KCNQ3: variants seen among roughly 807,000 people sequenced by gnomAD.
The protein encoded by KCNQ3 is potassium voltage-gated channel subfamily KQT member 3.
KCNQ3 carries 30 observed loss-of-function variants against 92.5 expected under a neutral mutation model. That is an observed-to-expected ratio of 0.32 (90% CI 0.24 to 0.44). The LOEUF (loss-of-function observed/expected upper bound fraction) is 0.44, where lower values mean the gene tolerates loss of function less well. KCNQ3 is among the 20% of genes least tolerant of loss of function. KCNQ3 has a pLI of 1.00. For missense variants in KCNQ3, 913 were observed against 1,140.3 expected (o/e 0.80, Z 2.87); for synonymous variants, 450 against 468.8 (o/e 0.96, Z 0.52).
intron 1 of KCNQ3, among the ~76,000 whole-genome samples, chr8:132,289,317 G>C (rs1344725308): frequency 6.6e-6 from 1 of 152,124 alleles, no homozygotes; most frequent in Non-Finnish European, 1.5e-5. Context: ...TCAGTATAAA[G>C]TTTCCTATGG....
chr8:132,260,024 C>G (rs907147659), intron 1 of KCNQ3, among the ~76,000 whole-genome samples: 6 of 152,096 alleles, frequency 3.9e-5, no homozygotes, highest in African/African-American at 1.4e-4. Context: ...ATTAAGACAT[C>G]CTGTGTTCAT....
chr8:132,440,288 C>A (rs577465176), intron 1 of KCNQ3, among the ~76,000 whole-genome samples: 1 of 152,344 alleles, frequency 6.6e-6, no homozygotes, highest in Non-Finnish European at 1.5e-5. Flanking sequence ...AAGCTGCCAG[C>A]AGCACAGATG....
chr8:132,202,958 C>T (rs13277622), intron 1 of KCNQ3, among the ~76,000 whole-genome samples: 47,678 of 143,794 alleles, frequency 0.33, 9,157 homozygotes, highest in Middle Eastern at 0.46. Context: ...TAGAATACCA[C>T]GGACTGGGCA....
chr8:132,204,236 G>C (rs1813580269), intron 1 of KCNQ3, among the ~76,000 whole-genome samples: 1 of 152,210 alleles, frequency 6.6e-6, no homozygotes, highest in Non-Finnish European at 1.5e-5. Context: ...AGCTGCGCCG[G>C]AGGCAGATCC....
At chr8:132,137,844 C>A in intron 12 of KCNQ3, 41 bp downstream of exon 12, 1 of 1,611,388 alleles carries the variant, frequency 6.2e-7, no homozygotes. Context: ...GTTCATAGGG[C>A]TTTGAGGGGA....
chr8:132,379,057 T>A (rs776140854), intron 1 of KCNQ3, among the ~76,000 whole-genome samples: 1 of 152,212 alleles, frequency 6.6e-6, no homozygotes, highest in Non-Finnish European at 1.5e-5. Context: ...TAAACACCCC[T>A]CATACAGAAG....
At chr8:132,330,852 T>G (rs907271812) in intron 1 of KCNQ3, among the ~76,000 whole-genome samples, 7 of 152,180 alleles carry the variant, frequency 4.6e-5, no homozygotes, top group African/African-American at 1.7e-4. Context: ...CTGTCAGTTG[T>G]TGTGTCCCAG....
chr8:132,430,506 C>T (rs976418746), intron 1 of KCNQ3, among the ~76,000 whole-genome samples: 5 of 152,194 alleles, frequency 3.3e-5, no homozygotes, highest in Admixed American at 2.0e-4. Flanking sequence ...CACTGGGCTC[C>T]ATTTTCTCCT....
At chr8:132,323,583 C>G (rs747915010) in intron 1 of KCNQ3, among the ~76,000 whole-genome samples, 1 of 152,116 alleles carries the variant, frequency 6.6e-6, no homozygotes, top group Non-Finnish European at 1.5e-5. Flanking sequence ...AGAAAATGGC[C>G]GTAGGTGCTA....
chr8:132,418,847 T>A (rs550913968), intron 1 of KCNQ3, among the ~76,000 whole-genome samples: 1 of 152,196 alleles, frequency 6.6e-6, no homozygotes, highest in East Asian at 1.9e-4. Flanking sequence ...GTAAGTGGTG[T>A]TGGGGTGTGG....
chr8:132,286,037 G>A (rs73358984), intron 1 of KCNQ3, among the ~76,000 whole-genome samples: 3,917 of 152,256 alleles, frequency 0.026, 186 homozygotes, highest in African/African-American at 0.089. Context: ...TGGAAGCATG[G>A]CTTTCTCTAC....
chr8:132,311,539 C>G (rs1395616934), intron 1 of KCNQ3, among the ~76,000 whole-genome samples: 1 of 152,164 alleles, frequency 6.6e-6, no homozygotes, highest in Non-Finnish European at 1.5e-5. Context: ...CAGGAAGAAG[C>G]CAAAATCTCC....
intron 4 of KCNQ3, among the ~76,000 whole-genome samples, chr8:132,176,000 C>A (rs1331775654): frequency 6.6e-6 from 1 of 152,120 alleles, no homozygotes; most frequent in Non-Finnish European, 1.5e-5. Flanking sequence ...TCGGTACAAC[C>A]AGGAAAGCAG....
intron 1 of KCNQ3, 140 bp downstream of exon 1, chr8:132,480,007 T>A (rs2130874660): frequency 1.1e-5 from 7 of 647,882 alleles, no homozygotes; most frequent in Non-Finnish European, 1.3e-5. Context: ...GGGAAACGCG[T>A]GCTGAGGACG....
At chr8:132,140,708 A>G in intron 10 of KCNQ3, 2 of 264,230 alleles carry the variant, frequency 7.6e-6, no homozygotes, top group Non-Finnish European at 1.5e-5. Flanking sequence ...TTGCATAAGT[A>G]AAAGAGGCAC....
At position 132,122,759 on chromosome 8, in the gene KCNQ3, A is replaced by T. The variant is rs1171613010; in HGVS notation, c.*6503T>A. 2 of 152,198 alleles carry T rather than the reference A, an allele frequency of 1.3e-5. No individual in the cohort carries two copies. Among genetic ancestry groups the T allele is most frequent in the Non-Finnish European group, 2.9e-5 (2 of 68,036 alleles). 9.4% of individuals were successfully genotyped at this position (152,198 alleles called of 1,614,324 possible). On this transcript the variant is annotated 3_prime_UTR_variant, in exon 15 of 15. Coordinates refer to ENST00000388996, the MANE Select transcript of KCNQ3 (RefSeq NM_004519.4). The stretch of plus-strand genomic sequence containing the variant: ...AAACATCCTACCACAGGGATTCACA[A>T]GGACTGCTGGGGAGCCCTGCCAAAT...
chr8:132,273,821 G>A (rs917677872), intron 1 of KCNQ3, among the ~76,000 whole-genome samples: 11 of 152,138 alleles, frequency 7.2e-5, no homozygotes, highest in Admixed American at 2.6e-4. Context: ...GTAAAATGCT[G>A]CTAGTTTCTT....
intron 9 of KCNQ3, among the ~76,000 whole-genome samples, chr8:132,141,954 G>T (rs1349918630): frequency 2.6e-5 from 4 of 152,120 alleles, no homozygotes; most frequent in Admixed American, 1.3e-4. Context: ...TATCCTAAAT[G>T]CCTGAGACTT....
In KCNQ3 at chr8:132,141,144, A is replaced by G; in HGVS notation, c.1450T>C (p.Trp484Arg). Residue 484 changes from tryptophan to arginine, a missense_variant, in exon 10 of 15, where the codon TGG (tryptophan) becomes CGG (arginine). By Grantham distance (101) the Trp-to-Arg change is moderately radical. Coordinates refer to ENST00000388996, the MANE Select transcript of KCNQ3 (RefSeq NM_004519.4). ...AAGGCATTACCTTCAGAACTCTGCC[A>G]GAAAGCGTAGGCTTTCATGCGGAAG... ...TAFRMKAYAF[W>R]QSSEDAGTGD... 2 of 1,614,138 alleles carry G rather than the reference A, an allele frequency of 1.2e-6. No individual in the cohort carries two copies. The highest frequency in any genetic ancestry group is 1.7e-6 in the Non-Finnish European group (2 of 1,179,936).
Sources: gnomAD v4.1 joint callset for allele counts (sites outside exome capture counted in the v4.1 genomes callset) on GRCh38, gnomAD v4.1.1 for gene constraint, MANE v1.5 for transcripts, NCBI Gene and HGNC (gene_info 2026-07-23, HGNC 2026-07-21) for gene names.